Variants in PSORS1C1 observed in about 807,000 individuals in gnomAD.
PSORS1C1 encodes the protein psoriasis susceptibility 1 candidate 1.
A neutral mutation model predicts 9.4 loss-of-function variants in PSORS1C1; 7 were observed. The ratio of observed to expected loss-of-function variants is 0.75; its 90% CI spans 0.42 to 1.40. The LOEUF is 1.40. Among genes scored for constraint, PSORS1C1 ranks in the 40% most tolerant of loss-of-function variants. The pLI is 0.01. For missense variants in PSORS1C1, 146 were observed against 178.1 expected, an observed-to-expected ratio of 0.82 and a Z score of 1.02; for synonymous variants, 63 against 69.4, an observed-to-expected ratio of 0.91 and a Z score of 0.46.
chr6:31,123,511 C>T (rs1162126586), intron 1 of PSORS1C1, among the ~76,000 whole-genome samples: 1 of 152,252 alleles, frequency 6.6e-6, no homozygotes, highest in Admixed American at 6.5e-5. Context: ...GGCAGCTCTG[C>T]TGTGTTCTAC....
Position 31,138,432 on chromosome 6 carries a change from CAA to C in PSORS1C1, c.21_22del (p.His9LeufsTer19), listed in dbSNP as rs1243219436. The C allele has an allele frequency of 6.2e-6, 10 of 1,612,354 alleles. No homozygotes were observed. The highest frequency in any genetic ancestry group is 8.5e-6 in the Non-Finnish European group (10 of 1,179,806). On this transcript the variant is annotated frameshift_variant, in exon 4 of 6. Coordinates refer to ENST00000259881, the MANE Select transcript of PSORS1C1 (RefSeq NM_014068.3). LOFTEE classifies it high-confidence loss of function. ...AGCCTGAACTGACCCACAAACAGAC[CAA>C]AAAAGTCACTCTCAAAGAGCTCTCG... The part of the protein sequence containing the change: MTCTD[Q>X]KSHSQRALGT...
rs781230918 is a variant in PSORS1C1 at position 31,117,652 on chromosome 6, G to A, written c.-229+2761G>A. The stretch of plus-strand genomic sequence containing the variant: ...CAAGCAGAGCGCAGGGAGAGTTTAG[G>A]GATGGAGAAAGGAGGAAGAACTGGC... On this transcript the variant is annotated intron_variant, in intron 1 of 5. Coordinates refer to ENST00000259881, the MANE Select transcript of PSORS1C1 (RefSeq NM_014068.3). 48 of 815,228 alleles carry A rather than the reference G, an allele frequency of 5.9e-5. 1 individual carries two copies. Among genetic ancestry groups the A allele is most frequent in the Non-Finnish European group, 8.6e-5 (42 of 490,374 alleles). 50.5% of individuals were successfully genotyped at this position (815,228 alleles called of 1,614,324 possible).
intron 1 of PSORS1C1, 82 bp downstream of exon 1, chr6:31,114,973 T>C: frequency 2.3e-6 from 1 of 442,456 alleles, no homozygotes; most frequent in Non-Finnish European, 4.5e-6. Flanking sequence ...CTGAGGGCCC[T>C]AAATAAGGGG....
intron 1 of PSORS1C1, chr6:31,117,063 G>A (rs772728479): frequency 4.6e-5 from 74 of 1,614,120 alleles, no homozygotes; most frequent in Non-Finnish European, 6.1e-5. Context: ...TTAGTATTCC[G>A]CGGTAAGAGT....
At chr6:31,125,413 G>A (rs6909321) in intron 1 of PSORS1C1, among the ~76,000 whole-genome samples, 19,203 of 152,132 alleles carry the variant, frequency 0.13, 1,317 homozygotes, top group Middle Eastern at 0.22. Flanking sequence ...CCCAGTAGGG[G>A]ATGTCCTCTG....
At chr6:31,116,326 G>C in intron 1 of PSORS1C1, 1 of 1,613,770 alleles carries the variant, frequency 6.2e-7, no homozygotes, top group South Asian at 1.1e-5. Context: ...GCTGCTGAAG[G>C]AGCCGGTGCC....
intron 3 of PSORS1C1, among the ~76,000 whole-genome samples, chr6:31,130,894 G>A (rs981613326): frequency 6.7e-6 from 1 of 150,226 alleles, no homozygotes; most frequent in African/African-American, 2.5e-5. Context: ...GGGTCTTGCT[G>A]TGTTGCCCAG....
rs368285431 is a variant in PSORS1C1 at position 31,133,116 on chromosome 6, G to A, written c.13+3471G>A. On this transcript the variant is annotated intron_variant, in intron 3 of 5. Coordinates refer to ENST00000259881, the MANE Select transcript of PSORS1C1 (RefSeq NM_014068.3). ...CGGCAGAGGCATAGGCGGGGCTGTT[G>A]GGAGTGATTTAGCACTCTGGGAGTC... Among the ~76,000 whole-genome samples the A allele has an allele frequency of 6.1e-4, 93 of 152,218 alleles. No homozygotes were observed. In the East Asian group the frequency reaches 7.9e-3, roughly 13 times the overall value.
Position 31,115,951 on chromosome 6 carries a change from G to T in PSORS1C1, c.-229+1060G>T. 7.4e-7 allele frequency: 1 copy of T among 1,355,686 alleles called. No individual in the cohort carries two copies. The highest frequency in any genetic ancestry group is 1.2e-5 in the South Asian group (1 of 84,906). 84.0% of individuals were successfully genotyped at this position (1,355,686 alleles called of 1,614,324 possible). A position where few individuals can be genotyped will look rare whatever the true frequency, so the allele number is the denominator to read the frequency against. ...GAGCTAACCCTATGCCTGGGCACTG[G>T]ACTTCTCCCATATGGGATATAGTGT... is the stretch of plus-strand genomic sequence containing the variant. On this transcript the variant is annotated intron_variant, in intron 1 of 5. Transcript: ENST00000259881. This position sits in a 1 kb window ranked among gnomAD's most constrained non-coding sequence, Gnocchi z 4.2.
At chr6:31,134,464 G>A (rs9468874) in intron 3 of PSORS1C1, among the ~76,000 whole-genome samples, 51,210 of 151,526 alleles carry the variant, frequency 0.34, 9,413 homozygotes, top group East Asian at 0.5. Context: ...CACCATGCCC[G>A]GCTAATTTTT....
intron 3 of PSORS1C1, among the ~76,000 whole-genome samples, chr6:31,136,299 A>G (rs1773133659): frequency 6.7e-6 from 1 of 150,026 alleles, no homozygotes; most frequent in Admixed American, 6.6e-5. Context: ...AGGCAGGAGA[A>G]TCACTTGAAT....
intron 1 of PSORS1C1, among the ~76,000 whole-genome samples, chr6:31,120,993 C>G (rs2150962014): frequency 6.7e-6 from 1 of 149,384 alleles, no homozygotes; most frequent in East Asian, 2.0e-4. Flanking sequence ...ATGAGTTCTG[C>G]CCCCATCCCC....
At position 31,132,283 on chromosome 6, in the gene PSORS1C1, A is replaced by T. The variant is rs536481707; in HGVS notation, c.13+2638A>T. Among the ~76,000 whole-genome samples, 5 of 152,306 alleles carry T rather than the reference A, an allele frequency of 3.3e-5. No homozygotes were observed. The South Asian group carries it at 1.0e-3, about 32-fold the overall frequency. ...ATGCCTGTAATCTCGACACTTTGGG[A>T]GGCCAAGGCGGGCAGATCACCTGAG... On this transcript the variant is annotated intron_variant, in intron 3 of 5. Coordinates refer to ENST00000259881, the MANE Select transcript of PSORS1C1 (RefSeq NM_014068.3).
intron 1 of PSORS1C1, chr6:31,117,210 C>A: frequency 6.2e-7 from 1 of 1,613,886 alleles, no homozygotes; most frequent in Non-Finnish European, 8.5e-7. Flanking sequence ...AGCTGCTGCT[C>A]CCCAGCTGGG....
At chr6:31,122,932 G>C (rs1772526282) in intron 1 of PSORS1C1, among the ~76,000 whole-genome samples, 1 of 151,986 alleles carries the variant, frequency 6.6e-6, no homozygotes, top group Non-Finnish European at 1.5e-5. Flanking sequence ...GAGTGGACTA[G>C]AAGGTGCTGG....
intron 1 of PSORS1C1, among the ~76,000 whole-genome samples, chr6:31,122,274 C>T (rs1218779876): frequency 6.6e-6 from 1 of 152,174 alleles, no homozygotes; most frequent in Non-Finnish European, 1.5e-5. Flanking sequence ...TGCAGTCCCC[C>T]AGTAGGAAGC....
intron 1 of PSORS1C1, chr6:31,117,148 C>T (rs1772188341): frequency 6.2e-7 from 1 of 1,608,790 alleles, no homozygotes; most frequent in East Asian, 2.2e-5. Flanking sequence ...GCTGCTGCTG[C>T]TCGAATGAGA....
intron 1 of PSORS1C1, among the ~76,000 whole-genome samples, chr6:31,123,597 C>T (rs1311037370): frequency 1.8e-4 from 27 of 152,224 alleles, no homozygotes. Context: ...GGCGTAGACA[C>T]TCTACACCCG....
chr6:31,117,906 C>T (rs1581839397), intron 1 of PSORS1C1: 1 of 281,552 alleles, frequency 3.6e-6, no homozygotes, highest in East Asian at 9.0e-5. Context: ...CAAGACCAGC[C>T]TGGGCAACAT....
Sources: gnomAD v4.1 joint callset for allele counts (sites outside exome capture counted in the v4.1 genomes callset) on GRCh38, gnomAD v4.1.1 for gene constraint, Gnocchi (gnomAD v3.1) non-coding constraint, MANE v1.5 for transcripts, NCBI Gene and HGNC (gene_info 2026-07-23, HGNC 2026-07-21) for gene names.